Variants in ABHD12 observed in about 807,000 individuals in gnomAD.
ABHD12 encodes lysophosphatidylserine lipase ABHD12.
ABHD12 carries 43 observed loss-of-function variants against 58.3 expected under a neutral mutation model. The ratio of observed to expected loss-of-function variants is 0.74; its 90% confidence interval spans 0.58 to 0.95. The LOEUF (loss-of-function observed/expected upper bound fraction) is 0.95. Among genes scored for constraint, ABHD12 ranks in the 40% least tolerant of loss-of-function variants. ABHD12 has a pLI of 0.00. For synonymous variants in ABHD12, 219 were observed against 211.2 expected (o/e 1.04, Z -0.32); for missense variants, 539 against 537.2 (o/e 1.00, Z -0.03).
intron 1 of ABHD12, among the ~76,000 whole-genome samples, chr20:25,374,605 T>C (rs1274623485): frequency 4.6e-5 from 7 of 152,120 alleles, no homozygotes; most frequent in Non-Finnish European, 8.8e-5. Context: ...GTGATTCTCC[T>C]GCCTCAGCCT....
At chr20:25,294,986 G>A (rs780446449) in exon 13 of ABHD12, 5 of 1,614,068 alleles carry the variant, frequency 3.1e-6, no homozygotes, top group East Asian at 2.2e-5. Flanking sequence ...CACCAGCTCT[G>A]ACCACATGCT....
intron 9 of ABHD12, 73 bp from the exon 10 acceptor site, chr20:25,306,988 G>GT: frequency 1.7e-6 from 2 of 1,149,426 alleles, no homozygotes; most frequent in Non-Finnish European, 2.6e-6. Context: ...GGTGCAGACA[G>GT]TTTAAGTTCA....
intron 1 of ABHD12, among the ~76,000 whole-genome samples, chr20:25,384,298 G>T (rs1457980808): frequency 1.4e-5 from 2 of 142,364 alleles, no homozygotes; most frequent in Non-Finnish European, 3.0e-5. Context: ...TTATCTTTTG[G>T]CCCAGAATTT....
intron 1 of ABHD12, among the ~76,000 whole-genome samples, chr20:25,348,684 T>A (rs1334604707): frequency 6.6e-6 from 1 of 152,030 alleles, no homozygotes; most frequent in Admixed American, 6.6e-5. Flanking sequence ...AAAAAACTAA[T>A]TAAACCTTTC....
At chr20:25,379,632 A>C (rs908483965) in intron 1 of ABHD12, among the ~76,000 whole-genome samples, 5 of 152,176 alleles carry the variant, frequency 3.3e-5, no homozygotes, top group African/African-American at 1.2e-4. Flanking sequence ...ATTCCCATGC[A>C]CACTCCAGAC....
downstream of ABHD12, chr20:25,300,210 A>G (rs547300720): frequency 6.5e-5 from 65 of 996,618 alleles, no homozygotes; most frequent in African/African-American, 1.0e-3. Context: ...CAGAGAGACA[A>G]AAGGACCACC....
At position 25,381,326 on chromosome 20, in the gene ABHD12, A is replaced by AT. The variant is rs2090019152; in HGVS notation, c.191+9186dup. 2.0e-5 allele frequency among the ~76,000 whole-genome samples: 3 copies of AT among 152,034 alleles called. No individual in the cohort carries two copies. The South Asian group carries it at 6.2e-4, about 32-fold the overall frequency. ...AGCACATGACATCATGTGTTTCTTC[A>AT]TGTTTTATCTGCCTCCCCTACCAGA... On this transcript the variant is annotated intron_variant, in intron 1 of 12. Coordinates refer to ENST00000339157, the MANE Select transcript of ABHD12 (RefSeq NM_001042472.3).
intron 2 of ABHD12, among the ~76,000 whole-genome samples, chr20:25,326,561 G>C (rs1216850205): frequency 6.6e-6 from 1 of 152,210 alleles, no homozygotes; most frequent in East Asian, 1.9e-4. Context: ...TTATGGAACA[G>C]AGTTCTATCA....
At chr20:25,320,393 T>C (rs2089044570) in intron 3 of ABHD12, 75 bp from the exon 4 acceptor site, 1 of 1,596,788 alleles carries the variant, frequency 6.3e-7, no homozygotes, top group South Asian at 1.1e-5. Flanking sequence ...CACGTGGTGT[T>C]ACTTAATCAG....
chr20:25,360,432 G>C (rs1029314226), intron 1 of ABHD12, among the ~76,000 whole-genome samples: 1 of 151,242 alleles, frequency 6.6e-6, no homozygotes, highest in African/African-American at 2.4e-5. Flanking sequence ...GTAGAGACAG[G>C]GTTTCACCAT....
intron 4 of ABHD12, among the ~76,000 whole-genome samples, chr20:25,318,265 G>A (rs1012429743): frequency 1.3e-5 from 2 of 152,072 alleles, no homozygotes; most frequent in East Asian, 1.9e-4. Flanking sequence ...CAGTGAGTCA[G>A]GATTGTGCCA....
At chr20:25,335,836 T>G (rs552339102) in intron 2 of ABHD12, among the ~76,000 whole-genome samples, 1 of 138,664 alleles carries the variant, frequency 7.2e-6, no homozygotes. Flanking sequence ...AGGGATAGCA[T>G]TGGGAGATAT....
chr20:25,313,023 G>A (rs1214660438), intron 6 of ABHD12, among the ~76,000 whole-genome samples: 19 of 149,000 alleles, frequency 1.3e-4, no homozygotes, highest in South Asian at 2.1e-4. Context: ...GCCTCTGCCC[G>A]GCTGCCCCTT....
chr20:25,295,575 C>G, downstream of ABHD12: 1 of 1,606,962 alleles, frequency 6.2e-7, no homozygotes, highest in South Asian at 1.1e-5. Flanking sequence ...CCCTGCTGCC[C>G]TGGCCCAGCC....
At chr20:25,327,398 CAGAG>C (rs2089194540) in intron 2 of ABHD12, among the ~76,000 whole-genome samples, 2 of 150,130 alleles carry the variant, frequency 1.3e-5, no homozygotes, top group South Asian at 4.2e-4. Flanking sequence ...ACCCGGGAGT[CAGAG>C]ATTGCAGTGA....
intron 10 of ABHD12, among the ~76,000 whole-genome samples, chr20:25,305,572 A>G (rs2145925460): frequency 6.6e-6 from 1 of 152,018 alleles, no homozygotes; most frequent in South Asian, 2.1e-4. Context: ...TGTGTTAGCC[A>G]GGATGGTCTC....
In ABHD12 at chr20:25,309,657, G is replaced by A; in HGVS notation, c.620-82C>T. 1.9e-6 allele frequency: 3 copies of A among 1,591,750 alleles called. No homozygotes were observed. The South Asian group carries it at 3.3e-5, about 18-fold the overall frequency. Reference sequence around the variant, plus strand: ...AAACACACCTCCCCAAGGGGGCCCAGGGCCAGGAGGAGACAGGGAGGGGCC... The same window carrying A: ...AAACACACCTCCCCAAGGGGGCCCAAGGCCAGGAGGAGACAGGGAGGGGCC... On this transcript the variant is annotated intron_variant, in intron 6 of 12. Transcript: ENST00000339157.
At chr20:25,348,706 T>C (rs1275455670) in intron 1 of ABHD12, among the ~76,000 whole-genome samples, 2 of 151,812 alleles carry the variant, frequency 1.3e-5, no homozygotes, top group African/African-American at 2.4e-5. Context: ...CCAAAGGAGG[T>C]ATTAGACAAA....
intron 11 of ABHD12, among the ~76,000 whole-genome samples, chr20:25,302,773 C>T (rs920178471): frequency 6.6e-6 from 1 of 152,198 alleles, no homozygotes; most frequent in Non-Finnish European, 1.5e-5. Context: ...TGGGCCTGAG[C>T]TGTGCGCTGC....
Sources: gnomAD v4.1 joint callset for allele counts (sites outside exome capture counted in the v4.1 genomes callset) on GRCh38, gnomAD v4.1.1 for gene constraint, MANE v1.5 for transcripts, NCBI Gene and HGNC (gene_info 2026-07-23, HGNC 2026-07-21) for gene names.